The following RHBDF2 variants were observed in gnomAD, a reference collection of about 807,000 sequenced individuals.
The protein encoded by RHBDF2 is rhomboid 5 homolog 2, also known as inactive rhomboid protein 2.
In RHBDF2, 38 loss-of-function variants were observed where a neutral mutation model predicts 95.2. The ratio of observed to expected loss-of-function variants is 0.40; its 90% CI spans 0.31 to 0.52. RHBDF2 has a LOEUF of 0.52. Among genes scored for constraint, RHBDF2 ranks in the 20% least tolerant of loss-of-function variants. The pLI is 0.56. For missense variants in RHBDF2, 863 were observed against 1,137.7 expected (o/e 0.76, Z 3.47); for synonymous variants, 442 against 462.0 (o/e 0.96, Z 0.55).
chr17:76,472,489 T>G (rs1598648432), intron 18 of RHBDF2, 197 bp downstream of exon 18: 1 of 699,508 alleles, frequency 1.4e-6, no homozygotes, highest in South Asian at 1.6e-5. Flanking sequence ...AGGGACAGGG[T>G]GACTCAAGAG....
intron 6 of RHBDF2, 68 bp downstream of exon 6, chr17:76,478,738 A>C: frequency 7.6e-7 from 1 of 1,308,392 alleles, no homozygotes; most frequent in East Asian, 2.4e-5. Context: ...TACTATGAGG[A>C]GTGGAAGGGA....
chr17:76,492,170 C>A (rs554261533), intron 1 of RHBDF2, among the ~76,000 whole-genome samples: 1 of 152,268 alleles, frequency 6.6e-6, no homozygotes, highest in South Asian at 2.1e-4. Context: ...TAGGGTGGGA[C>A]AGACTCTATT....
intron 1 of RHBDF2, among the ~76,000 whole-genome samples, chr17:76,497,099 G>T (rs1171085167): frequency 6.6e-6 from 1 of 152,188 alleles, no homozygotes; most frequent in Non-Finnish European, 1.5e-5. Flanking sequence ...GACAACCTGG[G>T]GAGACCCACT....
chr17:76,474,704 T>C, intron 11 of RHBDF2, 26 bp downstream of exon 11: 1 of 1,614,082 alleles, frequency 6.2e-7, no homozygotes, highest in Non-Finnish European at 8.5e-7. Context: ...CTGGCTCAGA[T>C]GATGTCCCCC....
At position 76,472,057 on chromosome 17, in the gene RHBDF2, G is replaced by C. The variant is rs1416641326; in HGVS notation, c.2065-5C>G. Reference sequence around the variant, plus strand: ...CTGTGAGCCGGCCGGGCCCACCTGGGGCGGGGCAGGGGAGACGTGGCTTCA... The same window carrying C: ...CTGTGAGCCGGCCGGGCCCACCTGGCGCGGGGCAGGGGAGACGTGGCTTCA... On this transcript the variant is annotated splice_polypyrimidine_tract_variant and splice_region_variant and intron_variant, in intron 18 of 18. Coordinates refer to ENST00000675367, the MANE Select transcript of RHBDF2 (RefSeq NM_001005498.4). The C allele has an allele frequency of 6.4e-7, 1 of 1,551,896 alleles. No homozygotes were observed. The highest frequency in any genetic ancestry group is 8.7e-7 in the Non-Finnish European group (1 of 1,148,780).
chr17:76,471,447 A>T lies in RHBDF2; in HGVS notation c.*186T>A, dbSNP rs910148358. The T allele has an allele frequency of 1.6e-6, 1 of 642,178 alleles. No individual in the cohort carries two copies. The highest frequency in any genetic ancestry group is 2.1e-5 in the South Asian group (1 of 47,024). The allele number at this position is 642,178 out of a possible 1,614,324, so 39.8% of individuals were successfully genotyped here. A position where few individuals can be genotyped will look rare whatever the true frequency, so the allele number is the denominator to read the frequency against. ...CTCACAGGCCTCACGCCCCAGAAAAACCCCGCCTTAACCAACCATCTCACG... is the reference window on the plus strand; with the variant it reads ...CTCACAGGCCTCACGCCCCAGAAAATCCCCGCCTTAACCAACCATCTCACG... On this transcript the variant is annotated 3_prime_UTR_variant, in exon 19 of 19. Transcript: ENST00000675367.
intron 9 of RHBDF2, 79 bp downstream of exon 9, chr17:76,476,751 G>C (rs892214062): frequency 6.8e-7 from 1 of 1,475,604 alleles, no homozygotes; most frequent in African/African-American, 1.4e-5. Context: ...TGCTGAATGA[G>C]TAAGGGGGCG....
chr17:76,494,002 C>T (rs934780569), intron 1 of RHBDF2, among the ~76,000 whole-genome samples: 17 of 152,220 alleles, frequency 1.1e-4, no homozygotes, highest in African/African-American at 4.1e-4. Flanking sequence ...TCTGGGCTCC[C>T]CTTAACCCGG....
chr17:76,481,940 A>C (rs2073980025), intron 2 of RHBDF2: 1 of 170,386 alleles, frequency 5.9e-6, no homozygotes, highest in East Asian at 1.6e-4. Context: ...ACAGAGCAAG[A>C]CTCTGTCTGA....
chr17:76,489,374 A>G (rs1353577145), intron 1 of RHBDF2, among the ~76,000 whole-genome samples: 2 of 135,048 alleles, frequency 1.5e-5, no homozygotes, highest in African/African-American at 5.5e-5. Context: ...CCCAGGCTGG[A>G]GTGCAGTGGC....
Position 76,480,833 on chromosome 17 carries a change from G to C in RHBDF2, c.150+542C>G, listed in dbSNP as rs914101865. 5.9e-5 allele frequency among the ~76,000 whole-genome samples: 9 copies of C among 152,184 alleles called. 1 individual carries two copies. In the East Asian group the frequency reaches 1.2e-3, roughly 20 times the overall value. On this transcript the variant is annotated intron_variant, in intron 3 of 18. Coordinates refer to ENST00000675367, the MANE Select transcript of RHBDF2 (RefSeq NM_001005498.4). ...TTCTGCAGAGCTCTCGGGTGAACGG[G>C]GGGCGTTAACATCGCTTCCCTTTAT...
At chr17:76,483,696 T>C (rs907187432) in intron 2 of RHBDF2, among the ~76,000 whole-genome samples, 1 of 152,252 alleles carries the variant, frequency 6.6e-6, no homozygotes, top group East Asian at 1.9e-4. Context: ...ATTTGAGACA[T>C]GGGTCTGATG....
intron 2 of RHBDF2, among the ~76,000 whole-genome samples, chr17:76,487,252 A>ATT (rs35456053): frequency 1.5e-5 from 2 of 134,738 alleles, no homozygotes; most frequent in African/African-American, 5.6e-5. Context: ...TGCCTGGCAA[A>ATT]TTTTTTTTTT....
At chr17:76,496,411 C>T (rs761005881) in intron 1 of RHBDF2, among the ~76,000 whole-genome samples, 15 of 152,340 alleles carry the variant, frequency 9.8e-5, no homozygotes, top group East Asian at 1.9e-4. Context: ...CAGGGTCCCG[C>T]GCTCTTAACC....
chr17:76,481,736 C>T (rs528737670), intron 2 of RHBDF2, 191 bp from the exon 3 acceptor site: 15 of 445,502 alleles, frequency 3.4e-5, no homozygotes, highest in East Asian at 8.0e-5. Flanking sequence ...GGGGGGATCA[C>T]GAGGTCAGGA....
At chr17:76,484,566 C>T (rs912253853) in intron 2 of RHBDF2, among the ~76,000 whole-genome samples, 1 of 126,962 alleles carries the variant, frequency 7.9e-6, no homozygotes, top group Non-Finnish European at 1.7e-5. Flanking sequence ...ATTCCTCTAC[C>T]TGCTGCCTCA....
At chr17:76,477,443 T>G in intron 7 of RHBDF2, 145 bp from the exon 8 acceptor site, 1 of 1,212,826 alleles carries the variant, frequency 8.2e-7, no homozygotes, top group Non-Finnish European at 1.2e-6. Flanking sequence ...GCCCCAATGG[T>G]GACTTTCCCG....
intron 1 of RHBDF2, among the ~76,000 whole-genome samples, chr17:76,491,037 T>C (rs1448478181): frequency 1.3e-5 from 2 of 151,920 alleles, no homozygotes; most frequent in African/African-American, 4.8e-5. Context: ...ATGTCAGCCC[T>C]GGACAGAAGG....
At chr17:76,476,805 T>C in intron 9 of RHBDF2, 25 bp downstream of exon 9, 7 of 1,569,002 alleles carry the variant, frequency 4.5e-6, no homozygotes, top group Non-Finnish European at 6.0e-6. Flanking sequence ...CAGGCTCTCC[T>C]GGGGGCTCCA....
Sources: gnomAD v4.1 joint callset for allele counts (sites outside exome capture counted in the v4.1 genomes callset) on GRCh38, gnomAD v4.1.1 for gene constraint, MANE v1.5 for transcripts, NCBI Gene and HGNC (gene_info 2026-07-23, HGNC 2026-07-21) for gene names.